Variants in ZNF365 observed in about 807,000 individuals in gnomAD.
ZNF365 encodes zinc finger protein 365.
In ZNF365, 22 loss-of-function variants were observed where a neutral mutation model predicts 35.0. The observed-to-expected ratio is 0.63, with a 90% CI of 0.45 to 0.90. The LOEUF (loss-of-function observed/expected upper bound fraction) is 0.90. ZNF365 is among the 40% of genes least tolerant of loss of function. The pLI is 0.00. For missense variants in ZNF365, 448 were observed against 500.3 expected (o/e 0.90, Z 1.00); for synonymous variants, 188 against 196.2 (o/e 0.96, Z 0.35).
intron 3 of ZNF365, among the ~76,000 whole-genome samples, chr10:62,396,629 A>G (rs1839732442): frequency 6.6e-6 from 1 of 152,234 alleles, no homozygotes; most frequent in Non-Finnish European, 1.5e-5. Flanking sequence ...AGGGCCCATT[A>G]GTGACATTCA....
chr10:62,420,011 T>C (rs1192971021), intron 3 of ZNF365, among the ~76,000 whole-genome samples: 1 of 152,160 alleles, frequency 6.6e-6, no homozygotes. Flanking sequence ...TTCTCCTTTA[T>C]TGAATGAGAT....
chr10:62,480,225 T>C (rs1446995887), exon 5 of ZNF365: 1 of 1,053,504 alleles, frequency 9.5e-7, no homozygotes. Context: ...AGAGTCATAT[T>C]CTATTTAGCT....
downstream of ZNF365, among the ~76,000 whole-genome samples, chr10:62,405,663 C>G (rs72829063): frequency 0.043 from 6,514 of 152,250 alleles, 235 homozygotes; most frequent in South Asian, 0.11. Flanking sequence ...CCTCTGCCAC[C>G]CTTTAGAGAT....
At chr10:62,419,146 A>G (rs1241111830) in intron 3 of ZNF365, among the ~76,000 whole-genome samples, 2 of 152,058 alleles carry the variant, frequency 1.3e-5, no homozygotes, top group Non-Finnish European at 2.9e-5. Context: ...GATACAGTCT[A>G]CTCCTGAAGA....
chr10:62,397,128 G>A (rs147826267), intron 3 of ZNF365, among the ~76,000 whole-genome samples: 2 of 152,340 alleles, frequency 1.3e-5, no homozygotes, highest in Non-Finnish European at 2.9e-5. Flanking sequence ...GACCTCATGT[G>A]ATAACGGTGC....
At chr10:62,414,035 A>T (rs1271299835) in intron 3 of ZNF365, among the ~76,000 whole-genome samples, 1 of 152,204 alleles carries the variant, frequency 6.6e-6, no homozygotes, top group Non-Finnish European at 1.5e-5. Context: ...CCTAAAACTT[A>T]CAGTGTTTCT....
downstream of ZNF365, among the ~76,000 whole-genome samples, chr10:62,404,969 G>A (rs1839883947): frequency 6.6e-6 from 1 of 152,158 alleles, no homozygotes; most frequent in Non-Finnish European, 1.5e-5. Flanking sequence ...GGGCTGAGGA[G>A]GTACAATTTT....
intron 3 of ZNF365, among the ~76,000 whole-genome samples, chr10:62,453,138 A>T (rs114291244): frequency 0.015 from 2,263 of 152,322 alleles, 61 homozygotes; most frequent in African/African-American, 0.05. Flanking sequence ...TCTTTAAAAA[A>T]TTTTTTAAAT....
chr10:62,444,674 C>G (rs1266071333), intron 3 of ZNF365, among the ~76,000 whole-genome samples: 2 of 152,124 alleles, frequency 1.3e-5, no homozygotes, highest in Non-Finnish European at 2.9e-5. Flanking sequence ...TCTGAATGTT[C>G]GAATCTCTTC....
At chr10:62,396,080 C>G (rs1839722205) in intron 3 of ZNF365, among the ~76,000 whole-genome samples, 1 of 152,182 alleles carries the variant, frequency 6.6e-6, no homozygotes, top group Non-Finnish European at 1.5e-5. Flanking sequence ...ACAGTGGCCT[C>G]TTGTGTTCAT....
intron 3 of ZNF365, among the ~76,000 whole-genome samples, chr10:62,407,605 C>T (rs958598808): frequency 6.7e-6 from 1 of 148,282 alleles, no homozygotes; most frequent in African/African-American, 2.6e-5. Context: ...CTCTCCTCTC[C>T]TCACTCGGTG....
At chr10:62,405,026 T>C (rs754857478), downstream of ZNF365, among the ~76,000 whole-genome samples, 1 of 152,196 alleles carries the variant, frequency 6.6e-6, no homozygotes, top group Non-Finnish European at 1.5e-5. Context: ...ACAGGAGATG[T>C]ACATCTTGTA....
chr10:62,393,884 G>A lies in ZNF365; in HGVS notation c.925-4856G>A, dbSNP rs61863401. Among the ~76,000 whole-genome samples, 367 of 152,212 alleles carry A rather than the reference G, an allele frequency of 2.4e-3. 2 individuals are homozygous for A. Among genetic ancestry groups the A allele is most frequent in the South Asian group, 4.4e-3 (21 of 4,824 alleles). On this transcript the variant is annotated intron_variant, in intron 3 of 4. Coordinates refer to ENST00000395254, the MANE Select transcript of ZNF365 (RefSeq NM_014951.3). ...TGTATGAGGGTTGGAGGGAGGATACGTTGCCCTAGGAAGACCAAGAATGAG... is the reference window on the plus strand; with the variant it reads ...TGTATGAGGGTTGGAGGGAGGATACATTGCCCTAGGAAGACCAAGAATGAG...
At chr10:62,449,033 A>G (rs933336262) in intron 3 of ZNF365, among the ~76,000 whole-genome samples, 12 of 152,230 alleles carry the variant, frequency 7.9e-5, no homozygotes, top group Admixed American at 2.6e-4. Context: ...AAAAATGCCA[A>G]AATGGATCCA....
At chr10:62,392,529 G>C (rs1839647967) in intron 3 of ZNF365, among the ~76,000 whole-genome samples, 1 of 152,134 alleles carries the variant, frequency 6.6e-6, no homozygotes, top group African/African-American at 2.4e-5. Flanking sequence ...TGTTTGCCTT[G>C]TCGAAGATCA....
chr10:62,431,680 T>C (rs747602108), intron 3 of ZNF365, among the ~76,000 whole-genome samples: 19 of 152,188 alleles, frequency 1.2e-4, no homozygotes, highest in Admixed American at 3.3e-4. Flanking sequence ...CAAAATAATC[T>C]TTTGTTGACA....
intron 3 of ZNF365, among the ~76,000 whole-genome samples, chr10:62,449,708 A>G (rs1840646759): frequency 6.6e-6 from 1 of 152,074 alleles, no homozygotes; most frequent in Non-Finnish European, 1.5e-5. Context: ...TCATCTCAAA[A>G]TTGTCACTAT....
chr10:62,464,852 G>A (rs1379931564), intron 4 of ZNF365, among the ~76,000 whole-genome samples: 4 of 152,314 alleles, frequency 2.6e-5, no homozygotes, highest in East Asian at 1.9e-4. Context: ...TGATGGTGGC[G>A]GTGGCCCATC....
chr10:62,429,082 C>T (rs193244646), intron 3 of ZNF365, among the ~76,000 whole-genome samples: 3 of 152,272 alleles, frequency 2.0e-5, no homozygotes, highest in African/African-American at 7.2e-5. Flanking sequence ...CCTCTATCTC[C>T]AACTAGATAA....
Sources: allele counts gnomAD v4.1 joint callset (sites outside exome capture counted in the v4.1 genomes callset), GRCh38; gene constraint gnomAD v4.1.1; transcripts MANE v1.5; gene names NCBI Gene and HGNC (gene_info 2026-07-23, HGNC 2026-07-21).